The following BCAS3 variants were observed in gnomAD, a reference collection of about 807,000 sequenced individuals.
BCAS3 encodes BCAS4/BCAS3 fusion.
BCAS3 carries 53 observed loss-of-function variants against 116.1 expected under a neutral mutation model. That is an observed-to-expected ratio of 0.46 (90% confidence interval 0.37 to 0.57). The LOEUF (loss-of-function observed/expected upper bound fraction) is 0.57, where lower values mean the gene tolerates loss of function less well. BCAS3 is among the 20% of genes least tolerant of loss of function. The probability of loss-of-function intolerance (pLI) is 0.00; values close to 1 mark genes in which losing one functional copy is unlikely to be tolerated. For synonymous variants in BCAS3, 391 were observed against 408.2 expected (o/e 0.96, Z 0.51); for missense variants, 917 against 1,165.4 (o/e 0.79, Z 3.10).
At chr17:61,069,298 A>G (rs1434813392) in intron 19 of BCAS3, among the ~76,000 whole-genome samples, 1 of 152,180 alleles carries the variant, frequency 6.6e-6, no homozygotes, top group Non-Finnish European at 1.5e-5. Flanking sequence ...GGGCAGGTAA[A>G]CTAAATTTGA....
chr17:61,056,901 T>G lies in BCAS3; in HGVS notation c.2029+16009T>G, dbSNP rs1235443839. On this transcript the variant is annotated intron_variant, in intron 19 of 23. Transcript: ENST00000407086. The surrounding 1 kb of genome is among the most constrained non-coding windows in gnomAD (Gnocchi z 4.9). ...GAACTCTCTCCATGACAAGGATTAA[T>G]ATATTAACTGGATTATAGCACTGTT... Among the ~76,000 whole-genome samples, 1 of 152,226 alleles carries G rather than the reference T, an allele frequency of 6.6e-6. No homozygotes were observed. Among genetic ancestry groups the G allele is most frequent in the Non-Finnish European group, 1.5e-5 (1 of 68,032 alleles).
intron 22 of BCAS3, among the ~76,000 whole-genome samples, chr17:61,358,422 T>TG (rs1417616559): frequency 1.3e-5 from 2 of 152,146 alleles, no homozygotes; most frequent in African/African-American, 4.8e-5. Context: ...TGACGGTTGT[T>TG]GCTTCCTAGG....
chr17:60,859,388 C>T lies in BCAS3; in HGVS notation c.477-9188C>T, dbSNP rs1302408324. 2.0e-5 allele frequency among the ~76,000 whole-genome samples: 3 copies of T among 152,044 alleles called. No homozygotes were observed. In the South Asian group the frequency reaches 6.2e-4, roughly 32 times the overall value. Reference sequence around the variant, plus strand: ...AGGCCCCGGTGTCTGTTGTCCCCTTCCTTGTGTCCATGTGAATTCATTGTT... The same window carrying T: ...AGGCCCCGGTGTCTGTTGTCCCCTTTCTTGTGTCCATGTGAATTCATTGTT... On this transcript the variant is annotated intron_variant, in intron 7 of 23. Coordinates refer to ENST00000407086, the MANE Select transcript of BCAS3 (RefSeq NM_017679.5).
chr17:60,703,423 T>C (rs1352186206), intron 4 of BCAS3, among the ~76,000 whole-genome samples: 1 of 150,068 alleles, frequency 6.7e-6, no homozygotes, highest in Non-Finnish European at 1.5e-5. Flanking sequence ...ACCCCGTCTT[T>C]ATGAAAATTA....
At position 60,689,864 on chromosome 17, in the gene BCAS3, A is replaced by C. The variant is rs1283180550; in HGVS notation, c.214+103A>C. 6.4e-6 allele frequency: 5 copies of C among 775,416 alleles called. No individual in the cohort carries two copies. In the African/African-American group the frequency reaches 7.1e-5, roughly 11 times the overall value. 48.0% of individuals were successfully genotyped at this position (775,416 alleles called of 1,614,324 possible). A position where few individuals can be genotyped will look rare whatever the true frequency, so the allele number is the denominator to read the frequency against. ...CTTTAGTCAGATTACTTTCTCTTAT[A>C]GTAATTTTTCAGTTTTCAAAATAAA... On this transcript the variant is annotated intron_variant, in intron 4 of 23. Transcript: ENST00000407086.
At chr17:61,351,143 A>T (rs1421940078) in intron 22 of BCAS3, among the ~76,000 whole-genome samples, 1 of 152,206 alleles carries the variant, frequency 6.6e-6, no homozygotes, top group Non-Finnish European at 1.5e-5. Flanking sequence ...TGTGCTGGGC[A>T]CTTTCTTTGT....
At chr17:60,779,070 T>G (rs894264377) in intron 6 of BCAS3, among the ~76,000 whole-genome samples, 4 of 152,158 alleles carry the variant, frequency 2.6e-5, no homozygotes, top group African/African-American at 9.7e-5. Context: ...CTAACCACAT[T>G]GTATTACAGG....
intron 7 of BCAS3, among the ~76,000 whole-genome samples, chr17:60,817,184 C>T (rs545404696): frequency 2.1e-4 from 32 of 152,200 alleles, no homozygotes; most frequent in South Asian, 6.2e-4. Context: ...TGTTTTGTTT[C>T]GTTGTGTTTT....
rs140815988 is a variant in BCAS3, at chr17:61,192,330, G to A, written c.2425+107766G>A. Among the ~76,000 whole-genome samples, 176 of 147,454 alleles carry A rather than the reference G, an allele frequency of 1.2e-3. 2 individuals carry two copies. In the East Asian group the frequency reaches 0.035, roughly 29 times the overall value. ...TTCCAAAATAATATGATAGGGAGAAGCAATGTTCACATAATAACTACCAAG... is the reference window on the plus strand; with the variant it reads ...TTCCAAAATAATATGATAGGGAGAAACAATGTTCACATAATAACTACCAAG... On this transcript the variant is annotated intron_variant, in intron 22 of 23. Coordinates refer to ENST00000407086, the MANE Select transcript of BCAS3 (RefSeq NM_017679.5).
rs1480049440 is a variant in BCAS3 at position 61,327,889 on chromosome 17, G to C, written c.2426-40438G>C. Reference sequence around the variant, plus strand: ...AGGTGTGACTTTAAGGTTTGCAATGGTTGATCAGACACTGTTGGTGTAAAT... The same window carrying C: ...AGGTGTGACTTTAAGGTTTGCAATGCTTGATCAGACACTGTTGGTGTAAAT... On this transcript the variant is annotated intron_variant, in intron 22 of 23. Coordinates refer to ENST00000407086, the MANE Select transcript of BCAS3 (RefSeq NM_017679.5). The surrounding 1 kb of genome is among the most constrained non-coding windows in gnomAD (Gnocchi z 5.9). Among the ~76,000 whole-genome samples the C allele has an allele frequency of 6.6e-6, 1 of 152,208 alleles. No individual in the cohort carries two copies. Among genetic ancestry groups the C allele is most frequent in the Admixed American group, 6.5e-5 (1 of 15,282 alleles).
chr17:60,922,211 C>T (rs1372337156), intron 12 of BCAS3, among the ~76,000 whole-genome samples: 2 of 152,124 alleles, frequency 1.3e-5, no homozygotes, highest in Non-Finnish European at 2.9e-5. Context: ...ACTGCAACCT[C>T]CGCCTCCTGG....
intron 15 of BCAS3, among the ~76,000 whole-genome samples, chr17:61,011,136 C>G (rs748343849): frequency 6.7e-6 from 1 of 150,044 alleles, no homozygotes; most frequent in Non-Finnish European, 1.5e-5. Context: ...TTTCATTGTA[C>G]TCATGCAATA....
intron 4 of BCAS3, among the ~76,000 whole-genome samples, chr17:60,704,610 G>A (rs2036868787): frequency 6.6e-6 from 1 of 152,116 alleles, no homozygotes; most frequent in Admixed American, 6.6e-5. Context: ...GGGGGCCGAG[G>A]TGGGTGGATC....
intron 5 of BCAS3, among the ~76,000 whole-genome samples, chr17:60,728,017 C>T (rs1219973259): frequency 6.6e-6 from 1 of 151,962 alleles, no homozygotes; most frequent in African/African-American, 2.4e-5. Context: ...CCATGTTACC[C>T]AGGCTGTTCT....
chr17:60,978,658 C>T (rs1180004393), intron 14 of BCAS3, among the ~76,000 whole-genome samples: 1 of 152,178 alleles, frequency 6.6e-6, no homozygotes, highest in African/African-American at 2.4e-5. Flanking sequence ...AGTCTTTAAT[C>T]CATCCTGAAT....
At chr17:61,187,034 A>G (rs2079821874) in intron 22 of BCAS3, among the ~76,000 whole-genome samples, 1 of 152,182 alleles carries the variant, frequency 6.6e-6, no homozygotes, top group East Asian at 1.9e-4. Context: ...TCTTCCAGAA[A>G]TGTTTTATGC....
At chr17:60,899,426 T>C (rs2057727965) in intron 10 of BCAS3, among the ~76,000 whole-genome samples, 1 of 152,154 alleles carries the variant, frequency 6.6e-6, no homozygotes, top group Non-Finnish European at 1.5e-5. Context: ...CTACAGCCAA[T>C]GCTTTACTCG....
chr17:61,160,854 G>A (rs932903998), intron 22 of BCAS3, among the ~76,000 whole-genome samples: 9 of 152,284 alleles, frequency 5.9e-5, no homozygotes, highest in Admixed American at 5.9e-4. Context: ...TAAATGCAGG[G>A]AGGGGGTGTC....
At chr17:60,727,621 C>T (rs115833540) in intron 5 of BCAS3, 6,574 of 566,432 alleles carry the variant, frequency 0.012, 331 homozygotes, top group African/African-American at 0.1. Flanking sequence ...CACGGCAAAA[C>T]TGAGTAGAAA....
Sources: gnomAD v4.1 joint callset for allele counts (sites outside exome capture counted in the v4.1 genomes callset) on GRCh38, gnomAD v4.1.1 for gene constraint, Gnocchi (gnomAD v3.1) non-coding constraint, MANE v1.5 for transcripts, NCBI Gene and HGNC (gene_info 2026-07-23, HGNC 2026-07-21) for gene names.